The following WDPCP variants were observed in gnomAD, a reference collection of about 807,000 sequenced individuals.
WDPCP encodes the protein WD repeat-containing and planar cell polarity effector protein fritz homolog.
Under a neutral mutation model 93.1 loss-of-function variants are expected in WDPCP, and 71 were observed. The observed-to-expected ratio is 0.76, with a 90% CI of 0.63 to 0.93. WDPCP has a LOEUF of 0.93. Ranked by LOEUF, WDPCP falls within the 40% of genes least tolerant of loss-of-function variation. The pLI, the probability that WDPCP is intolerant of heterozygous loss-of-function variation, is 0.00. For missense variants in WDPCP, 844 were observed against 887.4 expected, an observed-to-expected ratio of 0.95 and a Z score of 0.62; for synonymous variants, 315 against 315.0, an observed-to-expected ratio of 1.00 and a Z score of 0.00.
At chr2:63,553,469 C>T (rs1030286984) in intron 1 of WDPCP, among the ~76,000 whole-genome samples, 1 of 151,910 alleles carries the variant, frequency 6.6e-6, no homozygotes, top group Non-Finnish European at 1.5e-5. Flanking sequence ...CTCAATTCAT[C>T]TCTGTTTGGA....
chr2:63,258,088 T>C (rs1457526798), intron 14 of WDPCP, among the ~76,000 whole-genome samples: 3 of 152,174 alleles, frequency 2.0e-5, no homozygotes, highest in Non-Finnish European at 2.9e-5. Flanking sequence ...CACAGAGTTG[T>C]GGTGAAAATT....
At chr2:63,207,748 T>G (rs1676453826) in intron 14 of WDPCP, among the ~76,000 whole-genome samples, 1 of 152,202 alleles carries the variant, frequency 6.6e-6, no homozygotes, top group African/African-American at 2.4e-5. Context: ...GATGTGCTCT[T>G]TCATTACTAC....
chr2:63,354,409 T>C (rs1689852968), intron 12 of WDPCP, among the ~76,000 whole-genome samples: 1 of 152,098 alleles, frequency 6.6e-6, no homozygotes, highest in Non-Finnish European at 1.5e-5. Context: ...AGAGCTTAAG[T>C]AGGCACCCCA....
At chr2:63,805,902 T>A (rs1322655676) in intron 2 of WDPCP, among the ~76,000 whole-genome samples, 1 of 152,130 alleles carries the variant, frequency 6.6e-6, no homozygotes, top group African/African-American at 2.4e-5. Flanking sequence ...AGCAAATTGC[T>A]TGTGTCCAGG....
At chr2:63,551,832 A>AT (rs1319083102) in intron 1 of WDPCP, among the ~76,000 whole-genome samples, 5 of 151,746 alleles carry the variant, frequency 3.3e-5, no homozygotes, top group African/African-American at 7.3e-5. Flanking sequence ...GAAAAGGGTG[A>AT]TTTTTTTATA....
chr2:63,678,738 T>A (rs1415078057), intron 2 of WDPCP, among the ~76,000 whole-genome samples: 1 of 152,270 alleles, frequency 6.6e-6, no homozygotes, highest in Non-Finnish European at 1.5e-5. Context: ...TTCTTTCTTC[T>A]GGCAGGCACA....
intron 3 of WDPCP, among the ~76,000 whole-genome samples, chr2:63,625,225 C>A (rs746829566): frequency 6.6e-6 from 1 of 152,124 alleles, no homozygotes; most frequent in Non-Finnish European, 1.5e-5. Flanking sequence ...CAATATCATA[C>A]GGAATGGGCA....
chr2:63,215,893 A>G (rs1190800852), intron 14 of WDPCP, among the ~76,000 whole-genome samples: 1 of 152,242 alleles, frequency 6.6e-6, no homozygotes, highest in African/African-American at 2.4e-5. Context: ...AAAAGTGGGC[A>G]AAGGATATGA....
intron 2 of WDPCP, among the ~76,000 whole-genome samples, chr2:63,757,341 C>T (rs1669985812): frequency 6.6e-6 from 1 of 152,146 alleles, no homozygotes; most frequent in Non-Finnish European, 1.5e-5. Flanking sequence ...TTTCCATTTT[C>T]CCCAAGGAGA....
intron 13 of WDPCP, among the ~76,000 whole-genome samples, chr2:63,288,640 A>C (rs183428346): frequency 9.8e-5 from 15 of 152,324 alleles, no homozygotes; most frequent in African/African-American, 2.6e-4. Flanking sequence ...CTTTTCCACA[A>C]ATTAGGACAT....
At chr2:63,595,136 G>A (rs1709280890) in intron 3 of WDPCP, 2 of 441,180 alleles carry the variant, frequency 4.5e-6, no homozygotes, top group Non-Finnish European at 8.3e-6. Flanking sequence ...AACAATAAGA[G>A]CAAGCTATAG....
chr2:63,263,366 T>C (rs1681816330), intron 13 of WDPCP, among the ~76,000 whole-genome samples: 1 of 152,222 alleles, frequency 6.6e-6, no homozygotes, highest in African/African-American at 2.4e-5. Context: ...ATAAAGTCTC[T>C]GCCATCATGA....
chr2:63,733,957 A>G (rs977845737), intron 2 of WDPCP, among the ~76,000 whole-genome samples: 1 of 152,176 alleles, frequency 6.6e-6, no homozygotes, highest in African/African-American at 2.4e-5. Context: ...CTTTGTCTCT[A>G]TGAATGTGCT....
chr2:63,247,360 T>G (rs1218276700), intron 14 of WDPCP, among the ~76,000 whole-genome samples: 2 of 152,182 alleles, frequency 1.3e-5, no homozygotes, highest in African/African-American at 4.8e-5. Flanking sequence ...TTTACTGTAG[T>G]AATGGTATGT....
chr2:63,681,068 T>A (rs1207691720), intron 2 of WDPCP, among the ~76,000 whole-genome samples: 1 of 152,030 alleles, frequency 6.6e-6, no homozygotes, highest in Non-Finnish European at 1.5e-5. Context: ...GGGCCTTGGG[T>A]GAGACCGAGA....
At chr2:63,672,712 C>CTTTGT (rs927933697) in intron 2 of WDPCP, among the ~76,000 whole-genome samples, 1 of 113,152 alleles carries the variant, frequency 8.8e-6, no homozygotes, top group South Asian at 3.2e-4. Context: ...TCACTGAAGC[C>CTTTGT]TTTATTTTAT....
At chr2:63,575,505 A>ACAGCGTATG (rs1491111427) in intron 1 of WDPCP, among the ~76,000 whole-genome samples, 2 of 13,800 alleles carry the variant, frequency 1.4e-4, no homozygotes, top group African/African-American at 3.9e-4. Flanking sequence ...TACAGTATAT[A>ACAGCGTATG]CACTGTATAT....
chr2:63,161,563 A>G (rs183379610), intron 15 of WDPCP, among the ~76,000 whole-genome samples: 37 of 152,208 alleles, frequency 2.4e-4, no homozygotes, highest in Non-Finnish European at 5.1e-4. Context: ...CAGGAGGTCC[A>G]TATCTGAGAA....
rs1331569099 is a variant in WDPCP at position 63,120,549 on chromosome 2, C to T, written c.*1457G>A. 1.1e-4 allele frequency among the ~76,000 whole-genome samples: 13 copies of T among 120,202 alleles called. No homozygotes were observed. The highest frequency in any genetic ancestry group is 3.2e-4 in the African/African-American group (10 of 30,892). The allele number at this position is 120,202 out of a possible 152,430, so 78.9% of individuals were successfully genotyped here. The stretch of plus-strand genomic sequence containing the variant: ...ATTTTTTTTTTTTTTTTTTTTGCAA[C>T]GGAGTCTTACTTTGTCACCCAGGCT... On this transcript the variant is annotated 3_prime_UTR_variant, in exon 18 of 18. Coordinates refer to ENST00000272321, the MANE Select transcript of WDPCP (RefSeq NM_015910.7).
Sources: gnomAD v4.1 joint callset for allele counts (sites outside exome capture counted in the v4.1 genomes callset) on GRCh38, gnomAD v4.1.1 for gene constraint, MANE v1.5 for transcripts, NCBI Gene and HGNC (gene_info 2026-07-23, HGNC 2026-07-21) for gene names.